The following DENND1B variants were observed in gnomAD, a reference collection of about 807,000 sequenced individuals.
DENND1B encodes the protein DENN domain-containing protein 1B.
DENND1B carries 59 observed loss-of-function variants against 90.1 expected under a neutral mutation model. That is an observed-to-expected ratio of 0.65 (90% CI 0.53 to 0.81). The LOEUF (loss-of-function observed/expected upper bound fraction) is 0.81. Ranked by LOEUF, DENND1B falls within the 40% of genes least tolerant of loss-of-function variation. The pLI is 0.00. For synonymous variants in DENND1B, 337 were observed against 324.6 expected (o/e 1.04, Z -0.41); for missense variants, 862 against 912.6 (o/e 0.94, Z 0.71).
intron 11 of DENND1B, among the ~76,000 whole-genome samples, chr1:197,614,797 A>G (rs80061485): frequency 0.018 from 2,656 of 151,136 alleles, 75 homozygotes; most frequent in African/African-American, 0.06. Flanking sequence ...TGCTCCTTTC[A>G]TAAAAAGAAG....
intron 14 of DENND1B, among the ~76,000 whole-genome samples, chr1:197,594,845 A>G (rs1017066897): frequency 1.3e-5 from 2 of 152,126 alleles, no homozygotes; most frequent in African/African-American, 2.4e-5. Flanking sequence ...AAACTCATTA[A>G]TCTAATAAGC....
At chr1:197,529,402 G>A (rs1052638825) in intron 20 of DENND1B, among the ~76,000 whole-genome samples, 2 of 151,200 alleles carry the variant, frequency 1.3e-5, no homozygotes, top group South Asian at 2.1e-4. Context: ...GTGCATATGC[G>A]TGTGCCAGGG....
intron 10 of DENND1B, among the ~76,000 whole-genome samples, chr1:197,618,876 A>T (rs12022672): frequency 0.16 from 24,079 of 151,072 alleles, 2,202 homozygotes; most frequent in Non-Finnish European, 0.2. Context: ...CAATTAATTT[A>T]AAAAAATGAA....
At chr1:197,736,247 T>C (rs533677814) in intron 2 of DENND1B, 1 of 403,346 alleles carries the variant, frequency 2.5e-6, no homozygotes, top group Admixed American at 4.2e-5. Flanking sequence ...TTATTGAACT[T>C]GAATAGCAAA....
At chr1:197,748,608 G>T (rs944814595) in intron 2 of DENND1B, among the ~76,000 whole-genome samples, 1 of 152,074 alleles carries the variant, frequency 6.6e-6, no homozygotes, top group African/African-American at 2.4e-5. Context: ...AAGACTCATC[G>T]GCTATTGTGG....
intron 20 of DENND1B, among the ~76,000 whole-genome samples, chr1:197,514,463 G>T (rs1297348416): frequency 6.6e-6 from 1 of 151,444 alleles, no homozygotes; most frequent in Non-Finnish European, 1.5e-5. Flanking sequence ...TTCCATCTTT[G>T]AAATACACCA....
At chr1:197,513,991 T>C (rs1240261719) in intron 20 of DENND1B, among the ~76,000 whole-genome samples, 1 of 151,680 alleles carries the variant, frequency 6.6e-6, no homozygotes, top group Non-Finnish European at 1.5e-5. Flanking sequence ...TACTGTAACA[T>C]GTATAGGCAC....
intron 13 of DENND1B, among the ~76,000 whole-genome samples, chr1:197,599,445 C>A (rs535890809): frequency 1.3e-5 from 2 of 151,892 alleles, no homozygotes; most frequent in South Asian, 4.2e-4. Flanking sequence ...AGATAATCTA[C>A]ACAACCTAAA....
At chr1:197,702,299 T>C (rs1659114698) in intron 3 of DENND1B, among the ~76,000 whole-genome samples, 2 of 152,210 alleles carry the variant, frequency 1.3e-5, no homozygotes, top group Admixed American at 1.3e-4. Flanking sequence ...CCATGTCTTC[T>C]CTGATTTAAT....
chr1:197,534,842 C>T (rs532632278), intron 20 of DENND1B, among the ~76,000 whole-genome samples: 5 of 152,130 alleles, frequency 3.3e-5, no homozygotes, highest in African/African-American at 9.6e-5. Context: ...TACTCAGATA[C>T]CAATATTATT....
intron 10 of DENND1B, among the ~76,000 whole-genome samples, chr1:197,639,570 T>C (rs1680096046): frequency 6.6e-6 from 1 of 152,182 alleles, no homozygotes; most frequent in Non-Finnish European, 1.5e-5. Context: ...TTATGAATGT[T>C]AGGCCACCTT....
At chr1:197,726,274 C>T (rs79704054) in intron 2 of DENND1B, among the ~76,000 whole-genome samples, 10 of 152,152 alleles carry the variant, frequency 6.6e-5, no homozygotes, top group East Asian at 1.9e-4. Flanking sequence ...AGAAAAGAAT[C>T]GTGTTTTATA....
intron 10 of DENND1B, among the ~76,000 whole-genome samples, chr1:197,619,630 T>C (rs78728617): frequency 0.011 from 1,736 of 151,332 alleles, 36 homozygotes; most frequent in African/African-American, 0.039. Context: ...AATACCTCAC[T>C]TTATTTCACT....
rs145530931 is a variant in DENND1B, at chr1:197,742,781, C to A, written c.83-27707G>T. 3.7e-3 allele frequency among the ~76,000 whole-genome samples: 560 copies of A among 152,220 alleles called. 1 individual carries two copies. Among genetic ancestry groups the A allele is most frequent in the African/African-American group, 0.013 (538 of 41,540 alleles). On this transcript the variant is annotated intron_variant, in intron 2 of 22. Coordinates refer to ENST00000620048, the MANE Select transcript of DENND1B (RefSeq NM_001195215.2). ...AATTTGTGGAAGATAATATCAAATA[C>A]AAGGAGCATCAGAAATCTGTATAAG...
chr1:197,572,973 A>T (rs1004178460), intron 15 of DENND1B, among the ~76,000 whole-genome samples: 2 of 152,198 alleles, frequency 1.3e-5, no homozygotes, highest in African/African-American at 4.8e-5. Flanking sequence ...TTTCTGTGGG[A>T]TCGGTGGTGA....
intron 13 of DENND1B, among the ~76,000 whole-genome samples, chr1:197,600,129 G>A (rs1408908643): frequency 6.6e-6 from 1 of 151,772 alleles, no homozygotes; most frequent in East Asian, 1.9e-4. Context: ...AGATGTTCCT[G>A]ATACACTGAG....
intron 5 of DENND1B, among the ~76,000 whole-genome samples, chr1:197,663,394 G>A (rs923800011): frequency 2.0e-5 from 3 of 151,928 alleles, no homozygotes; most frequent in Non-Finnish European, 2.9e-5. Flanking sequence ...ACTCTATAAC[G>A]TAGCCATTGC....
At chr1:197,694,113 G>C (rs1658191401) in intron 3 of DENND1B, among the ~76,000 whole-genome samples, 1 of 151,110 alleles carries the variant, frequency 6.6e-6, no homozygotes, top group Admixed American at 6.6e-5. Context: ...TAATGTGAAA[G>C]GGGGAAGGAA....
intron 3 of DENND1B, among the ~76,000 whole-genome samples, chr1:197,684,821 T>G (rs760112680): frequency 2.0e-5 from 3 of 152,152 alleles, no homozygotes; most frequent in Non-Finnish European, 4.4e-5. Flanking sequence ...ATTTGAGGCA[T>G]TTTATTTAAA....
Sources: allele counts gnomAD v4.1 joint callset (sites outside exome capture counted in the v4.1 genomes callset), GRCh38; gene constraint gnomAD v4.1.1; transcripts MANE v1.5; gene names NCBI Gene and HGNC (gene_info 2026-07-23, HGNC 2026-07-21).